BRD10: variants seen among roughly 807,000 people sequenced by gnomAD.
BRD10 encodes the protein bromodomain containing 10, also known as uncharacterized bromodomain-containing protein 10.
At chr9:5,931,592 T>C in the BRD10 span, among the ~76,000 whole-genome samples, 2 of 152,228 alleles carry the variant, frequency 1.3e-5, no homozygotes, top group African/African-American at 4.8e-5. Flanking sequence ...TTATATGTTT[T>C]GTGGCCTTCT....
At chr9:5,946,655 G>C in the BRD10 span, among the ~76,000 whole-genome samples, 1 of 151,936 alleles carries the variant, frequency 6.6e-6, no homozygotes, top group Non-Finnish European at 1.5e-5. Context: ...CTCTTTCACC[G>C]AACTTGGTGT....
chr9:5,905,885 G>C, the BRD10 span, among the ~76,000 whole-genome samples: 1 of 152,070 alleles, frequency 6.6e-6, no homozygotes, highest in African/African-American at 2.4e-5. Flanking sequence ...CATTCATATC[G>C]GCACAGAATA....
the BRD10 span, among the ~76,000 whole-genome samples, chr9:5,970,041 A>T: frequency 6.6e-6 from 1 of 152,364 alleles, no homozygotes; most frequent in African/African-American, 2.4e-5. Context: ...GAATTTGATT[A>T]CAGTAATTTC....
At chr9:5,904,983 C>G in the BRD10 span, among the ~76,000 whole-genome samples, 3 of 151,880 alleles carry the variant, frequency 2.0e-5, no homozygotes, top group African/African-American at 4.8e-5. Flanking sequence ...CTGTGTTAGC[C>G]AGGATGGTCT....
the BRD10 span, among the ~76,000 whole-genome samples, chr9:5,940,428 T>G: frequency 4.6e-5 from 7 of 151,826 alleles, no homozygotes; most frequent in African/African-American, 1.7e-4. Flanking sequence ...CTCCCAACCT[T>G]GTGATCCGCC....
chr9:5,978,294 A>C, the BRD10 span, among the ~76,000 whole-genome samples: 50 of 152,056 alleles, frequency 3.3e-4, 1 homozygote, highest in Admixed American at 3.3e-3. Context: ...TAACTTTACT[A>C]TTATAGTTTT....
At chr9:5,997,361 T>C in the BRD10 span, among the ~76,000 whole-genome samples, 5 of 152,278 alleles carry the variant, frequency 3.3e-5, no homozygotes, top group Admixed American at 6.5e-5. Context: ...GAACAAAACA[T>C]GGGTGATGCA....
At chr9:5,904,848 A>C in the BRD10 span, among the ~76,000 whole-genome samples, 2 of 150,068 alleles carry the variant, frequency 1.3e-5, no homozygotes, top group African/African-American at 4.9e-5. Flanking sequence ...ATCTGGGCTC[A>C]CTGCAAGCTC....
chr9:5,906,802 T>G, the BRD10 span: 1 of 838,122 alleles, frequency 1.2e-6, no homozygotes, highest in Non-Finnish European at 1.8e-6. Flanking sequence ...AACTCATTCT[T>G]AAAACTTTGG....
chr9:6,008,206 TC>T, the BRD10 span: 1 of 972,468 alleles, frequency 1.0e-6, no homozygotes, highest in Non-Finnish European at 1.2e-6. Flanking sequence ...GGTTCTCCTC[TC>T]CCCTCCCCGG....
the BRD10 span, among the ~76,000 whole-genome samples, chr9:5,912,736 T>G: frequency 6.6e-6 from 1 of 152,180 alleles, no homozygotes; most frequent in Non-Finnish European, 1.5e-5. Context: ...AGTCCTCTAC[T>G]GCAGCGTGCC....
the BRD10 span, among the ~76,000 whole-genome samples, chr9:5,990,335 C>A: frequency 6.6e-6 from 1 of 152,062 alleles, no homozygotes; most frequent in Non-Finnish European, 1.5e-5. Context: ...TGAAAGAGAA[C>A]ATTAATGGAC....
chr9:5,995,873 T>A, the BRD10 span, among the ~76,000 whole-genome samples: 1 of 152,278 alleles, frequency 6.6e-6, no homozygotes, highest in South Asian at 2.1e-4. Flanking sequence ...AATTTGTACA[T>A]ATGGAATTAA....
the BRD10 span, chr9:5,897,517 G>A: frequency 7.1e-6 from 11 of 1,548,672 alleles, no homozygotes; most frequent in African/African-American, 1.4e-5. Flanking sequence ...GTAGAACAAT[G>A]TTTCAATGAC....
the BRD10 span, chr9:5,954,111 G>C: frequency 1.4e-6 from 2 of 1,421,748 alleles, no homozygotes; most frequent in Admixed American, 2.0e-5. Context: ...AAGATTAAAA[G>C]AGAAAACCTT....
At chr9:5,943,067 G>A in the BRD10 span, among the ~76,000 whole-genome samples, 1 of 151,998 alleles carries the variant, frequency 6.6e-6, no homozygotes, top group Non-Finnish European at 1.5e-5. Context: ...TGTAGAGACG[G>A]GGTCTAGCTA....
chr9:5,976,426 T>G, the BRD10 span, among the ~76,000 whole-genome samples: 1 of 152,308 alleles, frequency 6.6e-6, no homozygotes, highest in East Asian at 1.9e-4. Flanking sequence ...GTTTAAAAGT[T>G]TGTAATAGGA....
At chr9:5,881,151 A>G in the BRD10 span, among the ~76,000 whole-genome samples, 1 of 152,106 alleles carries the variant, frequency 6.6e-6, no homozygotes, top group Non-Finnish European at 1.5e-5. Flanking sequence ...ACCCTTTTCA[A>G]CTATTTAAGG....
At chr9:5,904,100 C>T in the BRD10 span, among the ~76,000 whole-genome samples, 12 of 152,022 alleles carry the variant, frequency 7.9e-5, no homozygotes, top group East Asian at 3.9e-4. Flanking sequence ...TCAGGCAATC[C>T]GCCTGCCTTG....
Sources: allele counts gnomAD v4.1 joint callset (sites outside exome capture counted in the v4.1 genomes callset), GRCh38; gene constraint gnomAD v4.1.1; transcripts MANE v1.5; gene names NCBI Gene and HGNC (gene_info 2026-07-23, HGNC 2026-07-21).